Variants in MMP26 observed in about 807,000 individuals in gnomAD.
MMP26 encodes the protein matrix metalloproteinase-26.
Under a neutral mutation model 31.0 loss-of-function variants are expected in MMP26, and 33 were observed. That is an observed-to-expected ratio of 1.06 (90% confidence interval 0.81 to 1.42). The LOEUF (loss-of-function observed/expected upper bound fraction) is 1.42, where lower values mean the gene tolerates loss of function less well. Among genes scored for constraint, MMP26 ranks in the 40% most tolerant of loss-of-function variants. The pLI is 0.00. For missense variants in MMP26, 347 were observed against 316.1 expected, an observed-to-expected ratio of 1.10 and a Z score of -0.74; for synonymous variants, 122 against 114.9, an observed-to-expected ratio of 1.06 and a Z score of -0.40.
chr11:4,904,004 G>T (rs974839000), intron 2 of MMP26, among the ~76,000 whole-genome samples: 26 of 151,980 alleles, frequency 1.7e-4, no homozygotes, highest in African/African-American at 5.8e-4. Flanking sequence ...TATCAGTAGA[G>T]ATTTATTTAC....
chr11:4,985,670 G>A (rs753128691), intron 2 of MMP26, among the ~76,000 whole-genome samples: 2 of 151,970 alleles, frequency 1.3e-5, no homozygotes, highest in East Asian at 1.9e-4. Context: ...AATGGGTGCC[G>A]CTTTTGGTAC....
chr11:4,910,122 CAT>C (rs1850967320), intron 2 of MMP26, among the ~76,000 whole-genome samples: 1 of 152,102 alleles, frequency 6.6e-6, no homozygotes, highest in Non-Finnish European at 1.5e-5. Context: ...AGCAAGCCTA[CAT>C]TCCTTTCTGG....
At chr11:4,905,307 G>A (rs951814611) in intron 2 of MMP26, among the ~76,000 whole-genome samples, 1 of 152,056 alleles carries the variant, frequency 6.6e-6, no homozygotes, top group Non-Finnish European at 1.5e-5. Context: ...ACTGTTCAAG[G>A]CCCTTTTCCA....
intron 2 of MMP26, among the ~76,000 whole-genome samples, chr11:4,897,418 A>C (rs1850724182): frequency 8.8e-6 from 1 of 113,980 alleles, no homozygotes; most frequent in Non-Finnish European, 1.9e-5. Flanking sequence ...GATTACAGGC[A>C]TAAGCCATCA....
chr11:4,940,148 C>T (rs1464413399), intron 2 of MMP26, among the ~76,000 whole-genome samples: 1 of 151,960 alleles, frequency 6.6e-6, no homozygotes, highest in Non-Finnish European at 1.5e-5. Flanking sequence ...GGTTTTCTCA[C>T]TTAGGTGATT....
At chr11:4,946,151 T>C (rs1846298178) in intron 2 of MMP26, 1 of 1,611,234 alleles carries the variant, frequency 6.2e-7, no homozygotes, top group Admixed American at 1.7e-5. Flanking sequence ...TTCTGTCACA[T>C]ATGACTGTTA....
At chr11:4,783,530 A>G (rs1848894210) in intron 2 of MMP26, among the ~76,000 whole-genome samples, 1 of 152,098 alleles carries the variant, frequency 6.6e-6, no homozygotes, top group Non-Finnish European at 1.5e-5. Context: ...TGGACTGTGG[A>G]CTTTTGAGTT....
intron 2 of MMP26, among the ~76,000 whole-genome samples, chr11:4,837,411 T>C (rs1312435155): frequency 1.3e-5 from 2 of 152,096 alleles, no homozygotes; most frequent in African/African-American, 4.8e-5. Flanking sequence ...GGTATATTCT[T>C]ATGTTGTCCA....
chr11:4,991,209 G>A (rs1216887873), intron 5 of MMP26, among the ~76,000 whole-genome samples, 162 bp from the exon 6 acceptor site: 1 of 152,054 alleles, frequency 6.6e-6, no homozygotes, highest in Non-Finnish European at 1.5e-5. Flanking sequence ...AAGATTTTGG[G>A]CCCCACCTTA....
intron 2 of MMP26, among the ~76,000 whole-genome samples, chr11:4,768,145 C>T (rs561056725): frequency 6.6e-6 from 1 of 152,248 alleles, no homozygotes; most frequent in Admixed American, 6.5e-5. Flanking sequence ...ATTTCATTAG[C>T]TTTCTAAGGG....
chr11:4,979,916 T>C (rs1307721368), intron 2 of MMP26, among the ~76,000 whole-genome samples: 1 of 152,148 alleles, frequency 6.6e-6, no homozygotes, highest in African/African-American at 2.4e-5. Flanking sequence ...AATTCACATT[T>C]ACAGTTTTGC....
chr11:4,714,236 C>G (rs925649543), intron 1 of MMP26, among the ~76,000 whole-genome samples: 2 of 152,098 alleles, frequency 1.3e-5, no homozygotes, highest in Non-Finnish European at 2.9e-5. Flanking sequence ...TTGTGGGTGC[C>G]TAAGGAAAAT....
intron 2 of MMP26, among the ~76,000 whole-genome samples, chr11:4,794,508 T>C (rs1188266190): frequency 6.6e-6 from 1 of 152,190 alleles, no homozygotes; most frequent in East Asian, 1.9e-4. Context: ...TTGGTCTTTA[T>C]TGGTCGTTGG....
At chr11:4,893,369 T>TAG (rs1421285243) in intron 2 of MMP26, among the ~76,000 whole-genome samples, 9 of 152,170 alleles carry the variant, frequency 5.9e-5, no homozygotes, top group African/African-American at 2.2e-4. Context: ...AGAAGACCAC[T>TAG]AGAAACCTCT....
intron 2 of MMP26, chr11:4,889,942 A>G (rs545587621): frequency 3.2e-5 from 5 of 157,872 alleles, no homozygotes; most frequent in Non-Finnish European, 5.6e-5. Flanking sequence ...GAAAGAAACC[A>G]TAGAAGAAGT....
intron 2 of MMP26, among the ~76,000 whole-genome samples, chr11:4,976,459 G>A (rs1391832440): frequency 6.6e-6 from 1 of 152,010 alleles, no homozygotes; most frequent in East Asian, 1.9e-4. Context: ...TGATTAATGA[G>A]ACTTGCAATT....
At position 4,992,343 on chromosome 11, in the gene MMP26, AG is replaced by A. The variant is rs1467227095; in HGVS notation, c.*102del. ...GCAGCCTTGGGGACTGCTAGGATGA[AG>A]CCCTAAAGAATGCAACCTAGTCAGG... On this transcript the variant is annotated 3_prime_UTR_variant, in exon 8 of 8. Coordinates refer to ENST00000380390, the MANE Select transcript of MMP26 (RefSeq NM_021801.5). 2.5e-6 allele frequency: 3 copies of A among 1,186,612 alleles called. No individual in the cohort carries two copies. The highest frequency in any genetic ancestry group is 3.6e-6 in the Non-Finnish European group (3 of 839,642). The allele number at this position is 1,186,612 out of a possible 1,614,324, so 73.5% of individuals were successfully genotyped here. A position where few individuals can be genotyped will look rare whatever the true frequency, so the allele number is the denominator to read the frequency against.
At chr11:4,760,315 A>G (rs150525588) in intron 1 of MMP26, among the ~76,000 whole-genome samples, 2 of 152,312 alleles carry the variant, frequency 1.3e-5, no homozygotes, top group East Asian at 3.9e-4. Context: ...AGGATTTAAG[A>G]TGGATCCTTT....
intron 2 of MMP26, chr11:4,770,065 C>T: frequency 1.7e-6 from 1 of 585,320 alleles, no homozygotes; most frequent in South Asian, 2.5e-5. Flanking sequence ...CATTGAGAAA[C>T]CTTTAAATTA....
Sources: allele counts gnomAD v4.1 joint callset (sites outside exome capture counted in the v4.1 genomes callset), GRCh38; gene constraint gnomAD v4.1.1; transcripts MANE v1.5; gene names NCBI Gene and HGNC (gene_info 2026-07-23, HGNC 2026-07-21).